The following ARSG variants were observed in gnomAD, a reference collection of about 807,000 sequenced individuals.
ARSG encodes arylsulfatase G.
In ARSG, 37 loss-of-function variants were observed where a neutral mutation model predicts 50.5. The observed-to-expected ratio is 0.73, with a 90% CI of 0.56 to 0.96. The LOEUF (loss-of-function observed/expected upper bound fraction) is 0.96, where lower values mean the gene tolerates loss of function less well. Among genes scored for constraint, ARSG ranks in the 50% least tolerant of loss-of-function variants. The pLI, the probability that ARSG is intolerant of heterozygous loss-of-function variation, is 0.00. For synonymous variants in ARSG, 225 were observed against 254.6 expected, an observed-to-expected ratio of 0.88 and a Z score of 1.11; for missense variants, 629 against 675.3, an observed-to-expected ratio of 0.93 and a Z score of 0.76.
At chr17:68,315,042 T>A (rs2145743712) in intron 2 of ARSG, among the ~76,000 whole-genome samples, 1 of 152,354 alleles carries the variant, frequency 6.6e-6, no homozygotes, top group South Asian at 2.1e-4. Flanking sequence ...TTACCCTGGC[T>A]AATTCTTGGT....
At chr17:68,385,306 C>A in intron 9 of ARSG, 134 bp downstream of exon 9, 1 of 685,280 alleles carries the variant, frequency 1.5e-6, no homozygotes, top group East Asian at 2.8e-5. Context: ...GGTCATTCAC[C>A]ACTTGCCTTT....
intron 2 of ARSG, among the ~76,000 whole-genome samples, chr17:68,330,175 A>C (rs375697552): frequency 1.5e-3 from 226 of 151,910 alleles, no homozygotes; most frequent in African/African-American, 5.3e-3. Flanking sequence ...GAGCCACTGC[A>C]CTCCAGCCTG....
chr17:68,348,352 T>C (rs1379023307), intron 4 of ARSG, among the ~76,000 whole-genome samples: 2 of 152,198 alleles, frequency 1.3e-5, no homozygotes, highest in Non-Finnish European at 2.9e-5. Flanking sequence ...GAGGGGATAC[T>C]GAGACCAGCT....
chr17:68,382,044 G>A (rs775836765), intron 8 of ARSG, among the ~76,000 whole-genome samples: 82 of 151,196 alleles, frequency 5.4e-4, no homozygotes, highest in Non-Finnish European at 9.3e-4. Flanking sequence ...TCCGCCTCCC[G>A]GGTTCAAGTG....
the ARSG span, among the ~76,000 whole-genome samples, chr17:68,438,309 G>A: frequency 1.4e-4 from 22 of 152,258 alleles, no homozygotes; most frequent in African/African-American, 4.6e-4. Flanking sequence ...GAGGCCACTC[G>A]TCCATTTCCA....
chr17:68,348,775 T>G (rs1427347206), intron 4 of ARSG, among the ~76,000 whole-genome samples: 1 of 152,060 alleles, frequency 6.6e-6, no homozygotes, highest in Non-Finnish European at 1.5e-5. Context: ...AAGGAGGAAG[T>G]CGGAAAAAAA....
intron 2 of ARSG, among the ~76,000 whole-genome samples, chr17:68,336,191 G>A (rs2078011119): frequency 1.3e-5 from 2 of 150,242 alleles, no homozygotes; most frequent in African/African-American, 4.9e-5. Context: ...CAGCCACCGT[G>A]CCTGGTCTTC....
At chr17:68,426,243 G>GGGGT, downstream of ARSG, 1 of 935,364 alleles carries the variant, frequency 1.1e-6, no homozygotes, top group Non-Finnish European at 1.6e-6. Flanking sequence ...CCTGGCGGGT[G>GGGGT]GGGAGCGGGG....
Position 68,420,228 on chromosome 17 carries a change from T to G in ARSG, c.1343T>G (p.Leu448Arg). ...RACDGSTGPELQHKFPLIFNL... is the reference protein window; with the variant it reads ...RACDGSTGPERQHKFPLIFNL... ...TGTGATGGGAGCACGGGGCCTGAGC[T>G]GCAGCATAAGTTTCCTCTGATTTTC... is the stretch of plus-strand genomic sequence containing the variant. The change falls in exon 12 of 12, where the codon CTG (leucine) becomes CGG (arginine). Residue 448 changes from leucine to arginine, a missense_variant. Physicochemically the swap from Leu to Arg is moderately radical, Grantham distance 102 (BLOSUM62 -2). Transcript: ENST00000621439. The G allele has an allele frequency of 1.9e-6, 3 of 1,614,162 alleles. No homozygotes were observed. Among genetic ancestry groups the G allele is most frequent in the Non-Finnish European group, 2.5e-6 (3 of 1,180,028 alleles).
At chr17:68,323,435 A>C (rs1216372515) in intron 2 of ARSG, among the ~76,000 whole-genome samples, 1 of 152,174 alleles carries the variant, frequency 6.6e-6, no homozygotes, top group Non-Finnish European at 1.5e-5. Context: ...ATTATTGTAA[A>C]GATGGGCTCT....
At chr17:68,277,045 CT>C (rs1174212524) in intron 1 of ARSG, among the ~76,000 whole-genome samples, 6 of 152,190 alleles carry the variant, frequency 3.9e-5, no homozygotes, top group Admixed American at 2.0e-4. Flanking sequence ...ACCTTATCTC[CT>C]TGTACACATC....
chr17:68,436,522 G>C, the ARSG span: 2 of 1,582,336 alleles, frequency 1.3e-6, no homozygotes, highest in Non-Finnish European at 1.7e-6. Flanking sequence ...GGGGCCAAGG[G>C]AGAGATTGCA....
At chr17:68,269,047 C>G (rs1568401707) in intron 1 of ARSG, 1 of 1,591,020 alleles carries the variant, frequency 6.3e-7, no homozygotes, top group Non-Finnish European at 8.6e-7. Context: ...GTTGGGCCCA[C>G]CCCATCCCTC....
chr17:68,314,851 TC>T (rs2077010346), intron 2 of ARSG, among the ~76,000 whole-genome samples: 1 of 152,232 alleles, frequency 6.6e-6, no homozygotes, highest in Non-Finnish European at 1.5e-5. Context: ...AATTGGCTAA[TC>T]TGCATGATAA....
At position 68,271,778 on chromosome 17, in the gene ARSG, A is replaced by T; in HGVS notation, c.-552+12352A>T. The T allele has an allele frequency of 1.0e-5, 7 of 702,306 alleles. No homozygotes were observed. The South Asian group carries it at 1.4e-4, about 14-fold the overall frequency. The allele number at this position is 702,306 out of a possible 1,614,324, so 43.5% of individuals were successfully genotyped here. A position where few individuals can be genotyped will look rare whatever the true frequency, so the allele number is the denominator to read the frequency against. On this transcript the variant is annotated intron_variant, in intron 1 of 11. Coordinates refer to the ARSG transcript ENST00000448504. This position sits in a 1 kb window ranked among gnomAD's most constrained non-coding sequence, Gnocchi z 5.3. ...TATAAGTTCTGTGGAAATTTATTATACTCAGCAGTATGAATGTACTCAATC... is the reference window on the plus strand; with the variant it reads ...TATAAGTTCTGTGGAAATTTATTATTCTCAGCAGTATGAATGTACTCAATC...
intron 11 of ARSG, among the ~76,000 whole-genome samples, chr17:68,405,640 C>T (rs556910325): frequency 6.6e-6 from 1 of 152,168 alleles, no homozygotes; most frequent in Non-Finnish European, 1.5e-5. Context: ...TTTACTTCCT[C>T]CATTCCAATT....
At chr17:68,385,712 G>C (rs934422845) in intron 9 of ARSG, among the ~76,000 whole-genome samples, 2 of 152,124 alleles carry the variant, frequency 1.3e-5, no homozygotes, top group African/African-American at 4.8e-5. Context: ...AGAGAGTGCA[G>C]AAAAGGCGGC....
downstream of ARSG, chr17:68,426,253 G>GGGGGGGGGGGGGT: frequency 4.8e-6 from 4 of 841,018 alleles, no homozygotes; most frequent in Admixed American, 2.3e-5. Context: ...GGGGAGCGGG[G>GGGGGGGGGGGGGT]GCTCAAATAA....
chr17:68,379,788 C>T, intron 8 of ARSG: 1 of 983,792 alleles, frequency 1.0e-6, no homozygotes, highest in Non-Finnish European at 1.2e-6. Context: ...ATGAAAAACA[C>T]TAGGCATGCC....
Sources: allele counts gnomAD v4.1 joint callset (sites outside exome capture counted in the v4.1 genomes callset), GRCh38; gene constraint gnomAD v4.1.1; non-coding constraint Gnocchi (gnomAD v3.1); transcripts MANE v1.5; gene names NCBI Gene and HGNC (gene_info 2026-07-23, HGNC 2026-07-21).